Variants in TTC1 observed in about 807,000 individuals in gnomAD.
TTC1 encodes the protein tetratricopeptide repeat protein 1.
TTC1 carries 31 observed loss-of-function variants against 37.6 expected under a neutral mutation model. That is an observed-to-expected ratio of 0.82 (90% confidence interval 0.62 to 1.11). The LOEUF (loss-of-function observed/expected upper bound fraction) is 1.11, where lower values mean the gene tolerates loss of function less well. Ranked by LOEUF, TTC1 falls within the 50% of genes most tolerant of loss-of-function variation. The pLI is 0.00. For missense variants in TTC1, 351 were observed against 339.0 expected (o/e 1.04, Z -0.28); for synonymous variants, 127 against 122.4 (o/e 1.04, Z -0.25).
At chr5:160,063,966 C>CTTT (rs34967107) in intron 7 of TTC1, among the ~76,000 whole-genome samples, 9,738 of 106,574 alleles carry the variant, frequency 0.091, 1,030 homozygotes, top group Admixed American at 0.17. Context: ...TAGACCATGA[C>CTTT]TTTTTTTTTT....
chr5:160,035,123 T>A lies in TTC1; in HGVS notation c.331-17T>A. On this transcript the variant is annotated splice_polypyrimidine_tract_variant and intron_variant, in intron 2 of 7. Coordinates refer to ENST00000231238, the MANE Select transcript of TTC1 (RefSeq NM_003314.3). Reference sequence around the variant, plus strand: ...ATAATATTGTGAGAAATTATGTAATTCTCTGATGTCTTTCAGAAAAGAAGA... The same window carrying A: ...ATAATATTGTGAGAAATTATGTAATACTCTGATGTCTTTCAGAAAAGAAGA... 6.3e-7 allele frequency: 1 copy of A among 1,587,668 alleles called. No homozygotes were observed. Among genetic ancestry groups the A allele is most frequent in the South Asian group, 1.2e-5 (1 of 85,460 alleles).
At chr5:160,027,094 T>G (rs188891957) in intron 2 of TTC1, among the ~76,000 whole-genome samples, 1 of 151,906 alleles carries the variant, frequency 6.6e-6, no homozygotes. Flanking sequence ...AGGGGTGCAA[T>G]CATGGATCAC....
At chr5:160,030,478 A>G (rs1053852148) in intron 2 of TTC1, among the ~76,000 whole-genome samples, 3 of 152,208 alleles carry the variant, frequency 2.0e-5, no homozygotes, top group African/African-American at 7.2e-5. Flanking sequence ...TCTCAAAATT[A>G]TCTTGAAAAA....
chr5:160,054,576 G>A (rs1313555277), intron 7 of TTC1, among the ~76,000 whole-genome samples: 2 of 151,586 alleles, frequency 1.3e-5, no homozygotes, highest in Non-Finnish European at 2.9e-5. Flanking sequence ...ACCAGCCTGG[G>A]CAACAGAGCC....
chr5:160,060,568 A>G (rs1757671603), intron 7 of TTC1, among the ~76,000 whole-genome samples: 1 of 152,226 alleles, frequency 6.6e-6, no homozygotes, highest in African/African-American at 2.4e-5. Flanking sequence ...ATTACTGTCC[A>G]GATAGGGAAG....
At chr5:160,013,229 T>A (rs893314019) in intron 2 of TTC1, among the ~76,000 whole-genome samples, 1 of 152,198 alleles carries the variant, frequency 6.6e-6, no homozygotes, top group African/African-American at 2.4e-5. Context: ...TCTTATTAGG[T>A]GTTTGTATGC....
intron 2 of TTC1, 145 bp downstream of exon 2, chr5:160,011,003 G>T: frequency 2.6e-6 from 2 of 776,898 alleles, no homozygotes; most frequent in East Asian, 5.4e-5. Flanking sequence ...TTGGATCTGA[G>T]ATAAATCGGT....
intron 2 of TTC1, among the ~76,000 whole-genome samples, chr5:160,021,212 T>C (rs1756699392): frequency 2.0e-5 from 3 of 152,208 alleles, no homozygotes; most frequent in South Asian, 2.1e-4. Context: ...GGCATCTGTT[T>C]TGTTAGCAAG....
chr5:160,038,013 GTTT>G (rs912473557), intron 4 of TTC1, among the ~76,000 whole-genome samples: 7 of 150,770 alleles, frequency 4.6e-5, no homozygotes, highest in Admixed American at 2.6e-4. Flanking sequence ...TGTTGTTGTT[GTTT>G]TTTTTAAAGG....
chr5:160,013,297 A>G (rs961856952), intron 2 of TTC1, among the ~76,000 whole-genome samples: 3 of 152,200 alleles, frequency 2.0e-5, no homozygotes, highest in Non-Finnish European at 4.4e-5. Context: ...GATTGAAGAA[A>G]TGTCTTCTAC....
At chr5:160,015,645 C>G (rs1170056671) in intron 2 of TTC1, among the ~76,000 whole-genome samples, 5 of 152,216 alleles carry the variant, frequency 3.3e-5, no homozygotes, top group Non-Finnish European at 7.3e-5. Context: ...GTCTCTTCAC[C>G]TGGCTGTTCT....
At chr5:160,014,906 G>A (rs942773595) in intron 2 of TTC1, among the ~76,000 whole-genome samples, 2 of 152,194 alleles carry the variant, frequency 1.3e-5, no homozygotes, top group African/African-American at 4.8e-5. Context: ...GGTATTTGTA[G>A]TATAGTAAAT....
In TTC1 at chr5:160,045,554, C is replaced by CTCTCTCT. The variant is rs1310066249; in HGVS notation, c.541+2385_541+2386insTCTCTCT. On this transcript the variant is annotated intron_variant, in intron 5 of 7. Coordinates refer to ENST00000231238, the MANE Select transcript of TTC1 (RefSeq NM_003314.3). ...CTCTCTCTCTCTCTCTCTCTCTCTC[C>CTCTCTCT]CCCTCCCCTCTCTCAATCTCTCAAT... is the stretch of plus-strand genomic sequence containing the variant. Among the ~76,000 whole-genome samples the CTCTCTCT allele has an allele frequency of 1.4e-3, 167 of 116,020 alleles. 1 individual carries two copies. Among genetic ancestry groups the CTCTCTCT allele is most frequent in the Middle Eastern group, 4.9e-3 (1 of 206 alleles). The allele number at this position is 116,020 out of a possible 152,430, so 76.1% of individuals were successfully genotyped here. A position where few individuals can be genotyped will look rare whatever the true frequency, so the allele number is the denominator to read the frequency against.
At chr5:160,054,066 G>A (rs976018741) in intron 7 of TTC1, among the ~76,000 whole-genome samples, 21 of 152,006 alleles carry the variant, frequency 1.4e-4, no homozygotes, top group African/African-American at 4.8e-4. Context: ...TGGAGTGGGG[G>A]TTGGTTGTTT....
rs925589973 is a variant in TTC1 at position 160,020,363 on chromosome 5, A to G, written c.330+9505A>G. On this transcript the variant is annotated intron_variant, in intron 2 of 7. Coordinates refer to ENST00000231238, the MANE Select transcript of TTC1 (RefSeq NM_003314.3). ...TTTTTATTTTTGTAGAGGCCCTTTC[A>G]CTTGGCCTCCCAAAGTGCTGGGATT... Among the ~76,000 whole-genome samples the G allele has an allele frequency of 2.6e-5, 4 of 151,928 alleles. No individual in the cohort carries two copies. In the East Asian group the frequency reaches 7.8e-4, roughly 30 times the overall value.
At chr5:160,023,691 A>G (rs2113353697) in intron 2 of TTC1, 1 of 1,497,106 alleles carries the variant, frequency 6.7e-7, no homozygotes, top group East Asian at 2.3e-5. Context: ...CGTGTGCACA[A>G]GGCATGTCAC....
intron 2 of TTC1, among the ~76,000 whole-genome samples, chr5:160,017,767 T>G (rs923741359): frequency 3.9e-5 from 6 of 152,234 alleles, no homozygotes; most frequent in African/African-American, 1.4e-4. Flanking sequence ...AAATAGCTGT[T>G]GAATGAATAG....
chr5:160,040,500 T>A (rs1004369991), intron 4 of TTC1, among the ~76,000 whole-genome samples: 1 of 149,204 alleles, frequency 6.7e-6, no homozygotes, highest in Admixed American at 6.6e-5. Flanking sequence ...TATAAACTTT[T>A]AAATTTTTTT....
chr5:160,051,874 T>C (rs1757411963), intron 7 of TTC1, among the ~76,000 whole-genome samples: 1 of 152,246 alleles, frequency 6.6e-6, no homozygotes, highest in Non-Finnish European at 1.5e-5. Flanking sequence ...ATTTTCCTTT[T>C]TGAGTATTTT....
Sources: gnomAD v4.1 joint callset for allele counts (sites outside exome capture counted in the v4.1 genomes callset) on GRCh38, gnomAD v4.1.1 for gene constraint, MANE v1.5 for transcripts, NCBI Gene and HGNC (gene_info 2026-07-23, HGNC 2026-07-21) for gene names.